The following SMIM8 variants were observed in gnomAD, a reference collection of about 807,000 sequenced individuals.
SMIM8 encodes small integral membrane protein 8, also known as UPF0708 protein C6orf162.
In SMIM8, 8 loss-of-function variants were observed where a neutral mutation model predicts 8.1. That is an observed-to-expected ratio of 0.99 (90% confidence interval 0.58 to 1.78). SMIM8 has a LOEUF of 1.78. Among genes scored for constraint, SMIM8 ranks in the 40% most tolerant of loss-of-function variants. The pLI is 0.00. For synonymous variants in SMIM8, 45 were observed against 39.7 expected (o/e 1.13, Z -0.50); for missense variants, 126 against 119.8 (o/e 1.05, Z -0.24).
intron 1 of SMIM8, among the ~76,000 whole-genome samples, chr6:87,330,475 A>C (rs189151505): frequency 1.3e-5 from 2 of 152,228 alleles, no homozygotes; most frequent in East Asian, 3.9e-4. Context: ...TAACTCCCTG[A>C]GCAAGAATTT....
chr6:87,324,945 T>C (rs1404278384), intron 1 of SMIM8, among the ~76,000 whole-genome samples: 2 of 152,158 alleles, frequency 1.3e-5, no homozygotes, highest in Non-Finnish European at 2.9e-5. Flanking sequence ...TTTTATTTCC[T>C]TGAGCAGTGG....
intron 2 of SMIM8, among the ~76,000 whole-genome samples, chr6:87,333,965 C>T (rs1267434227): frequency 2.0e-5 from 3 of 152,182 alleles, no homozygotes; most frequent in African/African-American, 7.2e-5. Flanking sequence ...GCATCTGCCC[C>T]TGGTGAGGGC....
At chr6:87,328,289 T>C (rs1175663021) in intron 1 of SMIM8, among the ~76,000 whole-genome samples, 1 of 151,964 alleles carries the variant, frequency 6.6e-6, no homozygotes. Flanking sequence ...GTTCCGTTGC[T>C]CGTGAGGAAC....
intron 2 of SMIM8, among the ~76,000 whole-genome samples, chr6:87,331,466 A>G (rs894879532): frequency 6.6e-6 from 1 of 152,202 alleles, no homozygotes; most frequent in Non-Finnish European, 1.5e-5. Flanking sequence ...TGAAGAAATG[A>G]CTAAGGTTTT....
At position 87,341,663 on chromosome 6, in the gene SMIM8, C is replaced by T. The variant is rs1419455380; in HGVS notation, c.*1389C>T. ...TACTTTATTATGGTTTTGTAAGGTA[C>T]ATGAAAATGTAATTATGTGTGATTT... On this transcript the variant is annotated 3_prime_UTR_variant, in exon 4 of 4. Transcript: ENST00000392863. 3.3e-5 allele frequency: 6 copies of T among 180,080 alleles called. No individual in the cohort carries two copies. Among genetic ancestry groups the T allele is most frequent in the East Asian group, 1.4e-4 (1 of 7,124 alleles). 11.2% of individuals were successfully genotyped at this position (180,080 alleles called of 1,614,324 possible).
intron 1 of SMIM8, among the ~76,000 whole-genome samples, chr6:87,326,530 T>G (rs955202212): frequency 6.6e-6 from 1 of 151,800 alleles, no homozygotes; most frequent in Non-Finnish European, 1.5e-5. Flanking sequence ...ATGTACCCAG[T>G]AGTCATTCAG....
chr6:87,332,319 C>CATATATATATATATATATATA (rs1562223234), intron 2 of SMIM8, among the ~76,000 whole-genome samples: 1 of 97,306 alleles, frequency 1.0e-5, no homozygotes, highest in African/African-American at 4.6e-5. Context: ...TCCTCCCCCC[C>CATATATATATATATATATATA]CATATATGTA....
chr6:87,323,690 T>A (rs1285994099), intron 1 of SMIM8, among the ~76,000 whole-genome samples: 5 of 152,154 alleles, frequency 3.3e-5, no homozygotes, highest in African/African-American at 4.8e-5. Context: ...GACATTTGGG[T>A]TGGTTCCAGG....
At chr6:87,326,420 C>G (rs1021893295) in intron 1 of SMIM8, among the ~76,000 whole-genome samples, 2 of 152,088 alleles carry the variant, frequency 1.3e-5, no homozygotes, top group Non-Finnish European at 2.9e-5. Flanking sequence ...ATAAATTTCC[C>G]TCTACATGCT....
At chr6:87,323,734 T>TA (rs1422716979) in intron 1 of SMIM8, among the ~76,000 whole-genome samples, 1 of 152,126 alleles carries the variant, frequency 6.6e-6, no homozygotes, top group East Asian at 1.9e-4. Flanking sequence ...GCAATAAACA[T>TA]ACGTGTGCTT....
intron 1 of SMIM8, among the ~76,000 whole-genome samples, chr6:87,323,419 C>A (rs1489609313): frequency 9.1e-6 from 1 of 110,320 alleles, no homozygotes; most frequent in Non-Finnish European, 1.8e-5. Flanking sequence ...TGCTATCCCT[C>A]CCCCCTCCCC....
At chr6:87,323,896 TAA>T (rs1215784358) in intron 1 of SMIM8, among the ~76,000 whole-genome samples, 1 of 152,150 alleles carries the variant, frequency 6.6e-6, no homozygotes, top group African/African-American at 2.4e-5. Context: ...ACCAACAGTG[TAA>T]AAGTGTTCCT....
chr6:87,326,204 G>A (rs143232658), intron 1 of SMIM8, among the ~76,000 whole-genome samples: 346 of 152,030 alleles, frequency 2.3e-3, no homozygotes, highest in Admixed American at 5.7e-3. Flanking sequence ...TTGTTGATCC[G>A]TTCAAAAAAC....
intron 3 of SMIM8, 92 bp from the exon 4 acceptor site, chr6:87,340,024 T>C: frequency 1.1e-6 from 1 of 908,530 alleles, no homozygotes; most frequent in Non-Finnish European, 1.6e-6. Flanking sequence ...GTAATAAAGA[T>C]GTGGCATGTC....
intron 2 of SMIM8, among the ~76,000 whole-genome samples, chr6:87,335,845 C>CAAAAA (rs35840147): frequency 3.4e-4 from 19 of 55,930 alleles, no homozygotes; most frequent in East Asian, 5.1e-4. Flanking sequence ...CCGTCCCTAC[C>CAAAAA]AAAAAAAAAA....
chr6:87,334,072 TAAAC>T (rs1475046154), intron 2 of SMIM8, among the ~76,000 whole-genome samples: 1 of 152,080 alleles, frequency 6.6e-6, no homozygotes, highest in African/African-American at 2.4e-5. Context: ...GTGTCACACT[TAAAC>T]AACCAGATCT....
chr6:87,335,994 T>A (rs937705367), intron 2 of SMIM8, among the ~76,000 whole-genome samples: 13 of 151,932 alleles, frequency 8.6e-5, no homozygotes, highest in Non-Finnish European at 1.9e-4. Context: ...GCACGTGCAT[T>A]CCAGTCTAGG....
rs768201263 is a variant in SMIM8, at chr6:87,341,279, G to A, written c.*1005G>A. The A allele has an allele frequency of 2.5e-6, 1 of 398,320 alleles. No homozygotes were observed. The highest frequency in any genetic ancestry group is 4.4e-6 in the Non-Finnish European group (1 of 226,018). The allele number at this position is 398,320 out of a possible 1,614,324, so 24.7% of individuals were successfully genotyped here. A position where few individuals can be genotyped will look rare whatever the true frequency, so the allele number is the denominator to read the frequency against. On this transcript the variant is annotated 3_prime_UTR_variant, in exon 4 of 4. Transcript: ENST00000392863. ...ATTTTGAAGTGTCTTTTATGGAAGTGGGGACAGAAATGGGGGTAAAAATGA... is the reference window on the plus strand; with the variant it reads ...ATTTTGAAGTGTCTTTTATGGAAGTAGGGACAGAAATGGGGGTAAAAATGA...
intron 2 of SMIM8, chr6:87,331,009 G>A (rs1362564423): frequency 6.6e-6 from 1 of 152,110 alleles, no homozygotes; most frequent in East Asian, 1.9e-4. Flanking sequence ...GTAATGCCAG[G>A]TTCCCAGCAT....
Sources: allele counts gnomAD v4.1 joint callset (sites outside exome capture counted in the v4.1 genomes callset), GRCh38; gene constraint gnomAD v4.1.1; transcripts MANE v1.5; gene names NCBI Gene and HGNC (gene_info 2026-07-23, HGNC 2026-07-21).